DNAH3: variants seen among roughly 807,000 people sequenced by gnomAD.
DNAH3 encodes the protein dynein axonemal heavy chain 3.
A neutral mutation model predicts 432.5 loss-of-function variants in DNAH3; 332 were observed. That is an observed-to-expected ratio of 0.77 (90% CI 0.70 to 0.84). The LOEUF is 0.84. DNAH3 is among the 40% of genes least tolerant of loss of function. The probability of loss-of-function intolerance (pLI) is 0.00; values close to 1 mark genes in which losing one functional copy is unlikely to be tolerated. For synonymous variants in DNAH3, 1,956 were observed against 1,900.2 expected (o/e 1.03, Z -0.76); for missense variants, 4,861 against 5,114.0 (o/e 0.95, Z 1.51).
At chr16:21,054,837 A>G (rs1316502727) in intron 27 of DNAH3, among the ~76,000 whole-genome samples, 1 of 152,218 alleles carries the variant, frequency 6.6e-6, no homozygotes, top group Admixed American at 6.5e-5. Context: ...GGCTTGGAGT[A>G]GAGAATGCAA....
chr16:20,954,595 G>C (rs1316270386), intron 55 of DNAH3, among the ~76,000 whole-genome samples: 1 of 152,064 alleles, frequency 6.6e-6, no homozygotes, highest in East Asian at 1.9e-4. Flanking sequence ...CAGCCAGGTT[G>C]TCAGATTTAG....
At chr16:21,071,631 T>C (rs1381016754) in intron 21 of DNAH3, among the ~76,000 whole-genome samples, 3 of 151,968 alleles carry the variant, frequency 2.0e-5, no homozygotes, top group Non-Finnish European at 4.4e-5. Context: ...CTCATGCCCA[T>C]AATCCCAGCA....
At position 21,031,299 on chromosome 16, in the gene DNAH3, G is replaced by A; in HGVS notation, c.5198-13C>T. ...TCCATCTGATTGGCTGGGCAAGAAG[G>A]TTCAACACCAGTTATAAAGGCTCTG... On this transcript the variant is annotated splice_polypyrimidine_tract_variant and intron_variant, in intron 36 of 61. Transcript: ENST00000261383. The A allele has an allele frequency of 1.2e-6, 2 of 1,613,962 alleles. No homozygotes were observed. The highest frequency in any genetic ancestry group is 1.7e-6 in the Non-Finnish European group (2 of 1,179,906).
exon 48 of DNAH3, chr16:20,985,694 T>C (rs770282068): frequency 1.9e-6 from 3 of 1,613,782 alleles, no homozygotes; most frequent in Non-Finnish European, 2.5e-6. Context: ...ATCTTTCCAG[T>C]GGGTGACAAG....
chr16:20,954,160 T>C (rs970511752), intron 55 of DNAH3, among the ~76,000 whole-genome samples: 2 of 146,744 alleles, frequency 1.4e-5, no homozygotes, highest in African/African-American at 5.0e-5. Context: ...GAGGTGGAGG[T>C]TGCAATGAGC....
intron 1 of DNAH3, among the ~76,000 whole-genome samples, 179 bp downstream of exon 2, chr16:21,150,111 G>C (rs942126206): frequency 1.3e-5 from 2 of 151,772 alleles, no homozygotes; most frequent in African/African-American, 2.4e-5. Flanking sequence ...TGTAATCCCA[G>C]CTACTCAGGA....
chr16:20,987,320 C>T, exon 47 of DNAH3: 2 of 1,614,160 alleles, frequency 1.2e-6, no homozygotes, highest in East Asian at 2.2e-5. Flanking sequence ...CTATGGTCTG[C>T]TTGAAGCAAT....
chr16:20,954,352 G>A (rs2084461412), intron 55 of DNAH3, among the ~76,000 whole-genome samples: 1 of 146,538 alleles, frequency 6.8e-6, no homozygotes, highest in East Asian at 2.0e-4. Context: ...GTGTGGTGGT[G>A]TGATATGGGC....
At chr16:21,089,144 A>G (rs1187825425) in intron 18 of DNAH3, among the ~76,000 whole-genome samples, 1 of 152,194 alleles carries the variant, frequency 6.6e-6, no homozygotes, top group Admixed American at 6.5e-5. Context: ...AGAGTTTCTG[A>G]GTCAGGTCTG....
At chr16:21,058,714 A>G (rs893096615) in intron 26 of DNAH3, among the ~76,000 whole-genome samples, 3 of 152,224 alleles carry the variant, frequency 2.0e-5, no homozygotes. Context: ...GGAAGCCATC[A>G]TTCTCAGCAA....
intron 1 of DNAH3, 37 bp downstream of exon 2, chr16:21,150,253 C>T (rs776422077): frequency 5.0e-6 from 2 of 398,708 alleles, no homozygotes; most frequent in Admixed American, 3.4e-5. Context: ...AAAAAAAATA[C>T]AGGTAAAACA....
intron 47 of DNAH3, 128 bp downstream of exon 47, chr16:20,987,177 A>T: frequency 8.5e-7 from 1 of 1,175,280 alleles, no homozygotes; most frequent in Non-Finnish European, 1.2e-6. Context: ...TTGACTCAAT[A>T]CTGTTTCCCG....
chr16:21,021,464 C>T (rs179326), intron 40 of DNAH3, among the ~76,000 whole-genome samples: 1,580 of 152,116 alleles, frequency 0.01, 29 homozygotes, highest in African/African-American at 0.035. Context: ...CACTAGAATA[C>T]CACCCAAAAA....
intron 41 of DNAH3, among the ~76,000 whole-genome samples, chr16:21,006,705 T>C (rs1176769138): frequency 6.6e-6 from 1 of 152,226 alleles, no homozygotes; most frequent in Non-Finnish European, 1.5e-5. Context: ...TGTGTCTATT[T>C]GAGACCAGGC....
At chr16:21,051,833 C>T (rs776742680) in exon 29 of DNAH3, 1 of 1,613,954 alleles carries the variant, frequency 6.2e-7, no homozygotes, top group Non-Finnish European at 8.5e-7. Context: ...AGATCGGAGA[C>T]CCTGTCCTCA....
exon 24 of DNAH3, chr16:21,067,326 C>G: frequency 6.2e-7 from 1 of 1,614,084 alleles, no homozygotes; most frequent in African/African-American, 1.3e-5. Context: ...TCATTCAGCC[C>G]TTTCTGGATG....
intron 40 of DNAH3, among the ~76,000 whole-genome samples, chr16:21,021,620 C>A (rs1468324286): frequency 6.6e-6 from 1 of 151,972 alleles, no homozygotes; most frequent in African/African-American, 2.4e-5. Context: ...GAAAAAATAG[C>A]CAAGGTAGCC....
At chr16:21,054,336 T>G (rs1408945055) in intron 28 of DNAH3, 84 bp downstream of exon 28, 12 of 1,053,372 alleles carry the variant, frequency 1.1e-5, no homozygotes, top group Non-Finnish European at 1.7e-5. Context: ...CCCTGAATTA[T>G]TCCGTCCAGG....
intron 18 of DNAH3, among the ~76,000 whole-genome samples, chr16:21,092,921 A>G (rs2091579902): frequency 6.6e-6 from 1 of 152,198 alleles, no homozygotes; most frequent in Non-Finnish European, 1.5e-5. Flanking sequence ...TTAAAAAACA[A>G]TGAGTGGCTG....
Sources: gnomAD v4.1 joint callset for allele counts (sites outside exome capture counted in the v4.1 genomes callset) on GRCh38, gnomAD v4.1.1 for gene constraint, MANE v1.5 for transcripts, NCBI Gene and HGNC (gene_info 2026-07-23, HGNC 2026-07-21) for gene names.